The following WNK1 variants were observed in gnomAD, a reference collection of about 807,000 sequenced individuals.
The protein encoded by WNK1 is serine/threonine-protein kinase WNK1.
A neutral mutation model predicts 222.8 loss-of-function variants in WNK1; 38 were observed. That is an observed-to-expected ratio of 0.17 (90% CI 0.13 to 0.22). WNK1 has a LOEUF of 0.22. WNK1 is among the 10% of genes least tolerant of loss of function. The pLI, the probability that WNK1 is intolerant of heterozygous loss-of-function variation, is 1.00. For missense variants in WNK1, 2,348 were observed against 2,918.4 expected (o/e 0.80, Z 4.50); for synonymous variants, 1,090 against 1,092.9 (o/e 1.00, Z 0.05).
intron 4 of WNK1, among the ~76,000 whole-genome samples, chr12:856,340 GC>G (rs1299958839): frequency 3.3e-5 from 5 of 151,698 alleles, no homozygotes; most frequent in African/African-American, 1.2e-4. Flanking sequence ...TGTATTCCCG[GC>G]TACTCAGGAG....
intron 4 of WNK1, chr12:851,839 T>C: frequency 1.6e-6 from 2 of 1,238,368 alleles, no homozygotes; most frequent in Non-Finnish European, 2.1e-6. Context: ...TTTGGTGATA[T>C]TGGTAGAAAG....
At chr12:776,722 G>A (rs759502271) in intron 1 of WNK1, among the ~76,000 whole-genome samples, 5 of 152,092 alleles carry the variant, frequency 3.3e-5, no homozygotes, top group East Asian at 1.9e-4. Flanking sequence ...GAGCTACCGC[G>A]CCTGGCCCAG....
chr12:890,457 T>G lies in WNK1; in HGVS notation c.5453T>G (p.Val1818Gly). 1 of 1,614,142 alleles carries G rather than the reference T, an allele frequency of 6.2e-7. No homozygotes were observed. The change falls in exon 22 of 28, where the codon GTG becomes GGG. Residue 1818 changes from valine to glycine, a missense_variant. Coordinates refer to ENST00000315939, the MANE Select transcript of WNK1 (RefSeq NM_018979.4). ...CTGTCTGTGTGTGTTTTACAGCCTG[T>G]GTCCATGGCGGCTCCAACAGCAATC... The part of the protein sequence containing the change: ...MITVTSAVGP[V>G]SMAAPTAITE...
chr12:854,355 C>CTTTTTTTTTT lies in WNK1; in HGVS notation c.1312-2804_1312-2795dup, dbSNP rs765372764. Among the ~76,000 whole-genome samples the CTTTTTTTTTT allele has an allele frequency of 1.3e-4, 13 of 97,736 alleles. 2 individuals are homozygous for CTTTTTTTTTT. Among genetic ancestry groups the CTTTTTTTTTT allele is most frequent in the East Asian group, 7.3e-4 (2 of 2,756 alleles). 64.1% of individuals were successfully genotyped at this position (97,736 alleles called of 152,430 possible). A position where few individuals can be genotyped will look rare whatever the true frequency, so the allele number is the denominator to read the frequency against. ...CAACAGAGCAAGAACTTATCATTAT[C>CTTTTTTTTTT]TTTTTTTTTTTGTTTTTTTTGAGAC... On this transcript the variant is annotated intron_variant, in intron 4 of 27. Transcript: ENST00000315939.
chr12:828,038 C>T (rs1400580530), intron 3 of WNK1, among the ~76,000 whole-genome samples: 1 of 151,730 alleles, frequency 6.6e-6, no homozygotes, highest in Non-Finnish European at 1.5e-5. Flanking sequence ...TGGCTCATGC[C>T]TGTAATCCCA....
At chr12:819,456 G>A (rs574075048) in intron 2 of WNK1, among the ~76,000 whole-genome samples, 8 of 152,172 alleles carry the variant, frequency 5.3e-5, no homozygotes, top group African/African-American at 1.9e-4. Flanking sequence ...GTTCAAATGA[G>A]CATTTTTGTT....
In WNK1 at chr12:770,501, A is replaced by G. The variant is rs867374301; in HGVS notation, c.759+16177A>G. Among the ~76,000 whole-genome samples the G allele has an allele frequency of 2.0e-5, 3 of 152,376 alleles. No homozygotes were observed. In the South Asian group the frequency reaches 6.2e-4, roughly 32 times the overall value. ...TTTTTACATTTTTAATGTGACTACT[A>G]GAAAATTAAATTTCATTTAGCTCAC... On this transcript the variant is annotated intron_variant, in intron 1 of 27. Coordinates refer to ENST00000315939, the MANE Select transcript of WNK1 (RefSeq NM_018979.4).
At chr12:755,948 G>T (rs1441087197) in intron 1 of WNK1, among the ~76,000 whole-genome samples, 1 of 152,206 alleles carries the variant, frequency 6.6e-6, no homozygotes, top group Non-Finnish European at 1.5e-5. Flanking sequence ...GCACTGCAGC[G>T]TGGTGACAGA....
chr12:796,526 T>G (rs1945326851), intron 1 of WNK1, among the ~76,000 whole-genome samples: 1 of 151,934 alleles, frequency 6.6e-6, no homozygotes, highest in Non-Finnish European at 1.5e-5. Context: ...TCCACCCACC[T>G]TGGCCTCCCA....
rs1014134120 is a variant in WNK1, at chr12:904,380, G to A, written c.6644-3467G>A. ...TTCTCTTGCTGGGCGTTTGTGTGCT[G>A]TTTGGAGATTCTAAATATTTTACAC... is the stretch of plus-strand genomic sequence containing the variant. On this transcript the variant is annotated intron_variant, in intron 26 of 27. Transcript: ENST00000315939. 1.7e-5 allele frequency: 21 copies of A among 1,213,344 alleles called. No individual in the cohort carries two copies. In the South Asian group the frequency reaches 2.5e-4, roughly 15 times the overall value. 75.2% of individuals were successfully genotyped at this position (1,213,344 alleles called of 1,614,324 possible). A position where few individuals can be genotyped will look rare whatever the true frequency, so the allele number is the denominator to read the frequency against.
chr12:822,179 C>T (rs762103175), intron 2 of WNK1, among the ~76,000 whole-genome samples: 5 of 150,768 alleles, frequency 3.3e-5, no homozygotes, highest in African/African-American at 9.8e-5. Flanking sequence ...CTGCAACCCC[C>T]GCCTCCCGGG....
At chr12:804,386 C>A (rs1310199850) in intron 1 of WNK1, among the ~76,000 whole-genome samples, 1 of 151,886 alleles carries the variant, frequency 6.6e-6, no homozygotes, top group African/African-American at 2.4e-5. Flanking sequence ...TCATCCATAT[C>A]TAGAACTTTT....
At chr12:771,646 G>C (rs1016256728) in intron 1 of WNK1, among the ~76,000 whole-genome samples, 3 of 151,914 alleles carry the variant, frequency 2.0e-5, no homozygotes, top group East Asian at 3.9e-4. Flanking sequence ...TATTGGCCCG[G>C]TTGATCTCGA....
intron 4 of WNK1, among the ~76,000 whole-genome samples, chr12:856,481 T>G (rs1950806110): frequency 6.6e-6 from 1 of 151,916 alleles, no homozygotes; most frequent in South Asian, 2.1e-4. Flanking sequence ...AAGAAAGAAT[T>G]TATTTATACT....
At chr12:821,540 T>C (rs547324939) in intron 2 of WNK1, among the ~76,000 whole-genome samples, 1 of 152,352 alleles carries the variant, frequency 6.6e-6, no homozygotes, top group East Asian at 1.9e-4. Flanking sequence ...GTTCTAAATA[T>C]GTCTGTTACC....
At chr12:769,589 T>C (rs569984151) in intron 1 of WNK1, among the ~76,000 whole-genome samples, 1 of 152,314 alleles carries the variant, frequency 6.6e-6, no homozygotes, top group Admixed American at 6.5e-5. Flanking sequence ...TTCATTTTAT[T>C]ATTTCCCCAC....
intron 26 of WNK1, among the ~76,000 whole-genome samples, chr12:901,841 A>G (rs1304223077): frequency 6.6e-6 from 1 of 152,192 alleles, no homozygotes; most frequent in Non-Finnish European, 1.5e-5. Context: ...ATAACAAGTT[A>G]TCTACAAATT....
At chr12:892,952 C>A (rs1954393268) in intron 22 of WNK1, among the ~76,000 whole-genome samples, 1 of 152,106 alleles carries the variant, frequency 6.6e-6, no homozygotes, top group South Asian at 2.1e-4. Flanking sequence ...ATATTTATTT[C>A]TAAAATAGCA....
At chr12:789,073 C>G (rs1944597562) in intron 1 of WNK1, among the ~76,000 whole-genome samples, 2 of 152,134 alleles carry the variant, frequency 1.3e-5, no homozygotes, top group Non-Finnish European at 1.5e-5. Context: ...GGCTACATTA[C>G]ATCTTTGTTG....
Sources: allele counts gnomAD v4.1 joint callset (sites outside exome capture counted in the v4.1 genomes callset), GRCh38; gene constraint gnomAD v4.1.1; transcripts MANE v1.5; gene names NCBI Gene and HGNC (gene_info 2026-07-23, HGNC 2026-07-21).